Variants in BAIAP2L1 observed in about 807,000 individuals in gnomAD.
The protein encoded by BAIAP2L1 is BAR/IMD domain containing adaptor protein 2 like 1.
Under a neutral mutation model 66.3 loss-of-function variants are expected in BAIAP2L1, and 35 were observed. That is an observed-to-expected ratio of 0.53 (90% confidence interval 0.40 to 0.70). The LOEUF is 0.70. Ranked by LOEUF, BAIAP2L1 falls within the 30% of genes least tolerant of loss-of-function variation. The probability of loss-of-function intolerance (pLI) is 0.00; values close to 1 mark genes in which losing one functional copy is unlikely to be tolerated. For synonymous variants in BAIAP2L1, 269 were observed against 248.7 expected, an observed-to-expected ratio of 1.08 and a Z score of -0.77; for missense variants, 622 against 656.9, an observed-to-expected ratio of 0.95 and a Z score of 0.58.
intron 5 of BAIAP2L1, among the ~76,000 whole-genome samples, chr7:98,318,934 G>T (rs1472589803): frequency 7.4e-6 from 1 of 135,108 alleles, no homozygotes; most frequent in East Asian, 2.2e-4. Context: ...CAACAGAGCA[G>T]GACTCCATCT....
At chr7:98,336,420 C>T (rs1027889529) in intron 3 of BAIAP2L1, among the ~76,000 whole-genome samples, 2 of 152,150 alleles carry the variant, frequency 1.3e-5, no homozygotes, top group African/African-American at 4.8e-5. Flanking sequence ...TCGAGACCAG[C>T]CTGGCCAACA....
intron 3 of BAIAP2L1, among the ~76,000 whole-genome samples, chr7:98,337,369 T>C (rs1442422071): frequency 1.3e-5 from 2 of 152,120 alleles, no homozygotes; most frequent in Non-Finnish European, 2.9e-5. Flanking sequence ...GTAGCTGAGA[T>C]TACAGGCGTG....
intron 8 of BAIAP2L1, among the ~76,000 whole-genome samples, chr7:98,311,050 C>T (rs1172859873): frequency 6.6e-6 from 1 of 151,644 alleles, no homozygotes; most frequent in Non-Finnish European, 1.5e-5. Context: ...CCTGCTGCAT[C>T]CCAATCTCCA....
intron 1 of BAIAP2L1, chr7:98,385,736 TG>T (rs201542482): frequency 0.01 from 11,100 of 1,060,240 alleles, 4 homozygotes; most frequent in Middle Eastern, 0.012. Flanking sequence ...TTCTTTTTTT[TG>T]TTGTTTTTTT....
At chr7:98,305,116 C>G (rs1326217339) in intron 11 of BAIAP2L1, among the ~76,000 whole-genome samples, 1 of 131,950 alleles carries the variant, frequency 7.6e-6, no homozygotes, top group Non-Finnish European at 1.5e-5. Context: ...GTCTTGAACT[C>G]TTGATCTCAG....
At chr7:98,383,283 CTT>C (rs112746004) in intron 1 of BAIAP2L1, among the ~76,000 whole-genome samples, 426 of 137,836 alleles carry the variant, frequency 3.1e-3, no homozygotes, top group African/African-American at 8.2e-3. Flanking sequence ...AACTTTCAAT[CTT>C]TTTTTTTTTT....
intron 1 of BAIAP2L1, among the ~76,000 whole-genome samples, chr7:98,395,055 G>A (rs1040762534): frequency 6.7e-6 from 1 of 150,332 alleles, no homozygotes; most frequent in Non-Finnish European, 1.5e-5. Context: ...GGGTTGTAAT[G>A]AGCCGAGATC....
chr7:98,297,406 C>T (rs889623491), intron 12 of BAIAP2L1, among the ~76,000 whole-genome samples: 1 of 152,164 alleles, frequency 6.6e-6, no homozygotes, highest in Non-Finnish European at 1.5e-5. Context: ...TTCCCTTGGG[C>T]TGCAGCAGAG....
chr7:98,309,024 G>A (rs1197471087), intron 9 of BAIAP2L1: 1 of 151,164 alleles, frequency 6.6e-6, no homozygotes, highest in Non-Finnish European at 1.5e-5. Context: ...AATACAACAA[G>A]CATCTTTAAT....
At chr7:98,354,625 C>A (rs1470805587) in intron 3 of BAIAP2L1, among the ~76,000 whole-genome samples, 2 of 152,176 alleles carry the variant, frequency 1.3e-5, no homozygotes. Flanking sequence ...CAGCTGAAAG[C>A]AACCAGGGAA....
At chr7:98,363,460 G>A (rs1286647210) in intron 1 of BAIAP2L1, among the ~76,000 whole-genome samples, 2 of 152,142 alleles carry the variant, frequency 1.3e-5, no homozygotes, top group African/African-American at 2.4e-5. Context: ...ATTTCATGGT[G>A]CAGCCAGTGT....
intron 12 of BAIAP2L1, among the ~76,000 whole-genome samples, chr7:98,297,269 AC>A (rs937607911): frequency 6.6e-6 from 1 of 152,210 alleles, no homozygotes; most frequent in African/African-American, 2.4e-5. Context: ...TGCCTGGTCC[AC>A]ACCCCCTTCC....
At chr7:98,304,896 C>T (rs1413848316) in intron 11 of BAIAP2L1, among the ~76,000 whole-genome samples, 1 of 149,208 alleles carries the variant, frequency 6.7e-6, no homozygotes, top group African/African-American at 2.5e-5. Flanking sequence ...ATGGGGTTTC[C>T]CTCTTATTGT....
chr7:98,378,144 G>A (rs1463458395), intron 1 of BAIAP2L1, among the ~76,000 whole-genome samples: 4 of 151,578 alleles, frequency 2.6e-5, no homozygotes, highest in African/African-American at 9.7e-5. Context: ...GTAAGACTCT[G>A]TCTCTCAAAA....
At position 98,392,739 on chromosome 7, in the gene BAIAP2L1, G is replaced by A. The variant is rs181845231; in HGVS notation, c.51+8063C>T. Among the ~76,000 whole-genome samples the A allele has an allele frequency of 2.0e-3, 302 of 152,268 alleles. 1 individual carries two copies. Among genetic ancestry groups the A allele is most frequent in the African/African-American group, 7.0e-3 (290 of 41,566 alleles). ...TATGTACGGAAAAGTATCAGAAAAA[G>A]CGACAGCAATAGTTAGTGTTATCTC... On this transcript the variant is annotated intron_variant, in intron 1 of 13. Transcript: ENST00000005260.
At chr7:98,343,564 C>T (rs903003566) in intron 3 of BAIAP2L1, among the ~76,000 whole-genome samples, 4 of 152,120 alleles carry the variant, frequency 2.6e-5, no homozygotes, top group Non-Finnish European at 5.9e-5. Flanking sequence ...CCCAACAAGA[C>T]GAAGAGGTTA....
At chr7:98,392,167 T>TAAAAA (rs5886065) in intron 1 of BAIAP2L1, among the ~76,000 whole-genome samples, 1 of 120,754 alleles carries the variant, frequency 8.3e-6, no homozygotes, top group Non-Finnish European at 1.7e-5. Context: ...ACCCCCTCGC[T>TAAAAA]AAAAAAAAAA....
At chr7:98,373,041 A>C (rs1488734453) in intron 1 of BAIAP2L1, among the ~76,000 whole-genome samples, 1 of 152,208 alleles carries the variant, frequency 6.6e-6, no homozygotes, top group Admixed American at 6.5e-5. Context: ...CGCCCGGTCA[A>C]GATCAATTTT....
At chr7:98,387,132 C>G (rs115448479) in intron 1 of BAIAP2L1, among the ~76,000 whole-genome samples, 2,996 of 152,230 alleles carry the variant, frequency 0.02, 103 homozygotes, top group African/African-American at 0.069. Context: ...GTTGTAAAGG[C>G]CAGCCCCCGC....
Sources: gnomAD v4.1 joint callset for allele counts (sites outside exome capture counted in the v4.1 genomes callset) on GRCh38, gnomAD v4.1.1 for gene constraint, MANE v1.5 for transcripts, NCBI Gene and HGNC (gene_info 2026-07-23, HGNC 2026-07-21) for gene names.